The following NRG3 variants were observed in gnomAD, a reference collection of about 807,000 sequenced individuals.
NRG3 encodes pro-neuregulin-3, membrane-bound isoform.
Under a neutral mutation model 66.9 loss-of-function variants are expected in NRG3, and 31 were observed. That is an observed-to-expected ratio of 0.46 (90% CI 0.35 to 0.63). NRG3 has a LOEUF of 0.63. Ranked by LOEUF, NRG3 falls within the 20% of genes least tolerant of loss-of-function variation. The pLI, the probability that NRG3 is intolerant of heterozygous loss-of-function variation, is 0.00. For synonymous variants in NRG3, 393 were observed against 359.4 expected (o/e 1.09, Z -1.06); for missense variants, 910 against 878.9 (o/e 1.04, Z -0.45).
chr10:82,866,697 C>A (rs1380544169), intron 4 of NRG3, among the ~76,000 whole-genome samples: 3 of 152,126 alleles, frequency 2.0e-5, no homozygotes, highest in Non-Finnish European at 4.4e-5. Flanking sequence ...ATGACCGTTT[C>A]AATGAAATCA....
chr10:82,684,588 G>A (rs1054820578), intron 2 of NRG3, among the ~76,000 whole-genome samples: 3 of 150,858 alleles, frequency 2.0e-5, no homozygotes, highest in African/African-American at 4.9e-5. Flanking sequence ...TTCTTTTCTA[G>A]CTTTGAAAAT....
At chr10:82,376,157 G>A (rs1190944107) in intron 2 of NRG3, among the ~76,000 whole-genome samples, 1 of 152,126 alleles carries the variant, frequency 6.6e-6, no homozygotes, top group African/African-American at 2.4e-5. Flanking sequence ...CAGGGGTGTC[G>A]CTGAACGTGC....
chr10:82,005,897 T>TTGTGTG (rs58906037), intron 1 of NRG3, among the ~76,000 whole-genome samples: 14,614 of 148,236 alleles, frequency 0.099, 1,656 homozygotes, highest in African/African-American at 0.28. Context: ...AATGTGTATT[T>TTGTGTG]TGTGTGTGTG....
chr10:82,401,480 G>A (rs1002993764), intron 2 of NRG3, among the ~76,000 whole-genome samples: 5 of 151,942 alleles, frequency 3.3e-5, no homozygotes, highest in Admixed American at 1.3e-4. Context: ...ACAGTATGAG[G>A]CAGGATCACA....
In NRG3 at chr10:82,660,196, C is replaced by CAAAAAAA. The variant is rs58870828; in HGVS notation, c.954-78348_954-78342dup. Among the ~76,000 whole-genome samples, 63 of 19,558 alleles carry CAAAAAAA rather than the reference C, an allele frequency of 3.2e-3. 3 individuals are homozygous for CAAAAAAA. The highest frequency in any genetic ancestry group is 6.8e-3 in the East Asian group (5 of 738). The allele number at this position is 19,558 out of a possible 152,430, so 12.8% of individuals were successfully genotyped here. On this transcript the variant is annotated intron_variant, in intron 2 of 8. Transcript: ENST00000372141. ...GGGCGACAAGAGCAAAACTCCCTCT[C>CAAAAAAA]AAAAAAAAAAAAAAAAAAAAAAAAA...
chr10:81,891,495 A>G (rs558948689), intron 1 of NRG3, among the ~76,000 whole-genome samples: 1 of 152,282 alleles, frequency 6.6e-6, no homozygotes, highest in African/African-American at 2.4e-5. Flanking sequence ...CCATGTTGCA[A>G]ACTGAACAGA....
chr10:82,522,900 G>C (rs1846336552), intron 2 of NRG3, among the ~76,000 whole-genome samples: 3 of 152,112 alleles, frequency 2.0e-5, no homozygotes, highest in Admixed American at 6.5e-5. Flanking sequence ...GACCCCTGTA[G>C]GCCTTTGCTA....
intron 3 of NRG3, among the ~76,000 whole-genome samples, chr10:82,785,805 A>G (rs539755298): frequency 6.6e-6 from 1 of 152,322 alleles, no homozygotes; most frequent in Admixed American, 6.5e-5. Context: ...AAACTCTCAG[A>G]GCCTAGCCAA....
At chr10:82,602,544 C>A (rs1163878391) in intron 2 of NRG3, among the ~76,000 whole-genome samples, 1 of 151,998 alleles carries the variant, frequency 6.6e-6, no homozygotes, top group Non-Finnish European at 1.5e-5. Flanking sequence ...ACCTAGACTC[C>A]ACCACTTCCT....
Position 82,362,548 on chromosome 10 carries a change from G to GTTTT in NRG3, c.953+3698_953+3701dup, listed in dbSNP as rs10694679. 1.0e-3 allele frequency among the ~76,000 whole-genome samples: 86 copies of GTTTT among 83,158 alleles called. 8 individuals are homozygous for GTTTT. Among genetic ancestry groups the GTTTT allele is most frequent in the African/African-American group, 3.0e-3 (61 of 20,160 alleles). 54.6% of individuals were successfully genotyped at this position (83,158 alleles called of 152,430 possible). A position where few individuals can be genotyped will look rare whatever the true frequency, so the allele number is the denominator to read the frequency against. The stretch of plus-strand genomic sequence containing the variant: ...ACCACCATGCCCAGATAATTTCTGG[G>GTTTT]TTTTTTTTTTTTTTTTTTTTTCGTA... On this transcript the variant is annotated intron_variant, in intron 2 of 8. Coordinates refer to ENST00000372141, the MANE Select transcript of NRG3 (RefSeq NM_001010848.4).
At chr10:82,544,289 C>T (rs2043744251) in intron 2 of NRG3, among the ~76,000 whole-genome samples, 1 of 152,126 alleles carries the variant, frequency 6.6e-6, no homozygotes, top group South Asian at 2.1e-4. Flanking sequence ...TGAGTCAATC[C>T]ATAATCTCCA....
chr10:82,232,678 C>A, intron 1 of NRG3: 2 of 704,040 alleles, frequency 2.8e-6, no homozygotes, highest in Non-Finnish European at 5.3e-6. Flanking sequence ...GACAATCGGC[C>A]AGATGGGGCT....
At chr10:82,673,097 G>T (rs1565189096) in intron 2 of NRG3, among the ~76,000 whole-genome samples, 1 of 152,164 alleles carries the variant, frequency 6.6e-6, no homozygotes, top group African/African-American at 2.4e-5. Flanking sequence ...ACATCCCAAA[G>T]ATCTATGCAT....
At chr10:82,206,594 G>A (rs1284208042) in intron 1 of NRG3, among the ~76,000 whole-genome samples, 3 of 152,134 alleles carry the variant, frequency 2.0e-5, no homozygotes, top group Non-Finnish European at 2.9e-5. Flanking sequence ...AACCACCCTT[G>A]AAAACCATCT....
chr10:82,511,802 A>G (rs1288923662), intron 2 of NRG3, among the ~76,000 whole-genome samples: 1 of 151,956 alleles, frequency 6.6e-6, no homozygotes, highest in East Asian at 1.9e-4. Context: ...AGATCATGTC[A>G]GGAAACTATC....
intron 2 of NRG3, among the ~76,000 whole-genome samples, chr10:82,568,917 C>T (rs1483467952): frequency 3.9e-5 from 6 of 151,912 alleles, no homozygotes; most frequent in Admixed American, 3.9e-4. Flanking sequence ...CTCTACATCA[C>T]TGCCTCTGAT....
intron 1 of NRG3, among the ~76,000 whole-genome samples, chr10:81,944,053 C>T (rs554106060): frequency 1.2e-4 from 18 of 152,334 alleles, no homozygotes; most frequent in South Asian, 8.3e-4. Flanking sequence ...GAAGCTTCTA[C>T]CCCCGTTTAA....
chr10:82,106,220 T>G (rs1439824678), intron 1 of NRG3, among the ~76,000 whole-genome samples: 1 of 151,894 alleles, frequency 6.6e-6, no homozygotes, highest in Non-Finnish European at 1.5e-5. Context: ...AGTCAGAGAC[T>G]CAGTACTGAA....
chr10:82,454,734 T>C (rs1441815222), intron 2 of NRG3, among the ~76,000 whole-genome samples: 1 of 152,170 alleles, frequency 6.6e-6, no homozygotes, highest in East Asian at 1.9e-4. Context: ...ATCTCTTTGA[T>C]TTCAGGGAGG....
Sources: allele counts gnomAD v4.1 joint callset (sites outside exome capture counted in the v4.1 genomes callset), GRCh38; gene constraint gnomAD v4.1.1; transcripts MANE v1.5; gene names NCBI Gene and HGNC (gene_info 2026-07-23, HGNC 2026-07-21).